The following TSPAN11 variants were observed in gnomAD, a reference collection of about 807,000 sequenced individuals.
TSPAN11 encodes the protein tetraspanin-11.
Under a neutral mutation model 32.9 loss-of-function variants are expected in TSPAN11, and 29 were observed. The ratio of observed to expected loss-of-function variants is 0.88; its 90% CI spans 0.66 to 1.20. The LOEUF is 1.20. Among genes scored for constraint, TSPAN11 ranks in the 50% most tolerant of loss-of-function variants. The probability of loss-of-function intolerance (pLI) is 0.00; values close to 1 mark genes in which losing one functional copy is unlikely to be tolerated. For synonymous variants in TSPAN11, 140 were observed against 141.3 expected (o/e 0.99, Z 0.07); for missense variants, 283 against 329.1 (o/e 0.86, Z 1.08).
In TSPAN11 at chr12:30,982,526, CTCCAGTTCAAG is replaced by C. The variant is rs1939112317; in HGVS notation, c.457-4_463del. 6.2e-7 allele frequency: 1 copy of C among 1,601,698 alleles called. No homozygotes were observed. Among genetic ancestry groups the C allele is most frequent in the Non-Finnish European group, 8.5e-7 (1 of 1,170,542 alleles). ...CTCCAGCCTCTGCCTCTGCCTCTGCCTCCAGTTCAAGTGCTGTGGAAGCAACAGCTCAGCCG... is the reference window on the plus strand; with the variant it reads ...CTCCAGCCTCTGCCTCTGCCTCTGCCTGCTGTGGAAGCAACAGCTCAGCCG... On this transcript the variant is annotated splice_acceptor_variant and splice_polypyrimidine_tract_variant and coding_sequence_variant and intron_variant, in exon 6 of 8. Transcript: ENST00000546076. LOFTEE classifies it high-confidence loss of function.
chr12:30,933,932 C>T (rs1265355722), intron 1 of TSPAN11, among the ~76,000 whole-genome samples: 1 of 152,170 alleles, frequency 6.6e-6, no homozygotes, highest in African/African-American at 2.4e-5. Context: ...CCCTTCACAC[C>T]TACACACAGC....
chr12:31,010,271 C>T, the TSPAN11 span, among the ~76,000 whole-genome samples: 1 of 152,198 alleles, frequency 6.6e-6, no homozygotes, highest in South Asian at 2.1e-4. Flanking sequence ...CATGTCACCA[C>T]CCTACCTTGG....
intron 3 of TSPAN11, among the ~76,000 whole-genome samples, chr12:30,972,441 G>C (rs1938870166): frequency 6.6e-6 from 1 of 152,070 alleles, no homozygotes; most frequent in Non-Finnish European, 1.5e-5. Context: ...CTTCATGGAG[G>C]CTGTGCCTGA....
chr12:30,944,992 T>C (rs948010423), intron 1 of TSPAN11, among the ~76,000 whole-genome samples: 1 of 152,196 alleles, frequency 6.6e-6, no homozygotes, highest in African/African-American at 2.4e-5. Context: ...CCAACCAGAC[T>C]GTTCCAGGCC....
At position 30,991,903 on chromosome 12, in the gene TSPAN11, G is replaced by T; in HGVS notation, c.750G>T (p.Arg250=). Residue 250 remains arginine (R), a synonymous_variant, in exon 8 of 8, where the codon CGG becomes CGT. Coordinates refer to ENST00000546076, the MANE Select transcript of TSPAN11 (RefSeq NM_001370302.1). Reference sequence around the variant, plus strand: ...GCTGCTTGCACCAGAGGCTCCAGCGGCATTTTTACTAATGGCCAACCACCT... The same window carrying T: ...GCTGCTTGCACCAGAGGCTCCAGCGTCATTTTTACTAATGGCCAACCACCT... ...LTCCLHQRLQ[R]HFY is the part of the protein sequence containing the mutation. 6.2e-7 allele frequency: 1 copy of T among 1,614,140 alleles called. No homozygotes were observed. Among genetic ancestry groups the T allele is most frequent in the Non-Finnish European group, 8.5e-7 (1 of 1,180,022 alleles).
downstream of TSPAN11, among the ~76,000 whole-genome samples, chr12:30,999,506 T>A (rs1391116203): frequency 6.6e-6 from 1 of 152,122 alleles, no homozygotes; most frequent in Admixed American, 6.5e-5. Context: ...AGCAAAGTCA[T>A]CTAACACAAA....
chr12:30,990,875 G>A (rs547990223), intron 7 of TSPAN11, among the ~76,000 whole-genome samples: 2 of 152,332 alleles, frequency 1.3e-5, no homozygotes, highest in Middle Eastern at 6.8e-3. Context: ...CTTTAGCCCA[G>A]TGCCCCCTCC....
the TSPAN11 span, among the ~76,000 whole-genome samples, chr12:31,004,757 G>T: frequency 1.3e-5 from 2 of 152,340 alleles, no homozygotes; most frequent in Admixed American, 6.5e-5. Flanking sequence ...CCATGCAGTG[G>T]AGGGCAGGAG....
At chr12:30,974,471 T>C (rs1053533592) in intron 3 of TSPAN11, among the ~76,000 whole-genome samples, 1 of 152,260 alleles carries the variant, frequency 6.6e-6, no homozygotes, top group Non-Finnish European at 1.5e-5. Context: ...CTAAGGTAAC[T>C]GTGCTATGCT....
intron 7 of TSPAN11, among the ~76,000 whole-genome samples, chr12:30,991,195 G>A (rs1226479326): frequency 6.6e-6 from 1 of 152,172 alleles, no homozygotes; most frequent in Non-Finnish European, 1.5e-5. Flanking sequence ...CCTGAGCTTG[G>A]TGCTGCATTC....
At chr12:30,927,685 G>C (rs1179738203) in intron 1 of TSPAN11, among the ~76,000 whole-genome samples, 2 of 152,072 alleles carry the variant, frequency 1.3e-5, no homozygotes, top group Non-Finnish European at 2.9e-5. Flanking sequence ...AGAGAATGAG[G>C]GTGGTATTAG....
At chr12:30,979,088 C>T (rs923633474) in intron 4 of TSPAN11, among the ~76,000 whole-genome samples, 2 of 152,186 alleles carry the variant, frequency 1.3e-5, no homozygotes, top group Non-Finnish European at 2.9e-5. Flanking sequence ...ATCGGGGATT[C>T]GAGGTCATGA....
Position 30,982,541 on chromosome 12 carries a change from T to G in TSPAN11, c.466T>G (p.Cys156Gly). Residue 156 changes from cysteine to glycine, a missense_variant, in exon 6 of 8, where the codon TGT (cysteine) becomes GGT (glycine). Transcript: ENST00000546076. ...CTGCCTCTGCCTCCAGTTCAAGTGC[T>G]GTGGAAGCAACAGCTCAGCCGACTG... ...VDRLQQDFKC[C>G]GSNSSADWQH... is the part of the protein sequence containing the mutation. The G allele has an allele frequency of 6.2e-7, 1 of 1,607,780 alleles. No homozygotes were observed. The highest frequency in any genetic ancestry group is 2.2e-5 in the East Asian group (1 of 44,694).
chr12:30,934,754 G>A (rs1338107115), intron 1 of TSPAN11, among the ~76,000 whole-genome samples: 2 of 151,514 alleles, frequency 1.3e-5, no homozygotes, highest in Non-Finnish European at 2.9e-5. Context: ...CAAAACATTA[G>A]ACACCCCTGC....
chr12:31,011,196 C>T, the TSPAN11 span, among the ~76,000 whole-genome samples: 1 of 152,166 alleles, frequency 6.6e-6, no homozygotes, highest in Non-Finnish European at 1.5e-5. Context: ...GAGTTTGAGA[C>T]CAACCTGGCC....
intron 2 of TSPAN11, among the ~76,000 whole-genome samples, chr12:30,956,046 G>A (rs1938471948): frequency 6.6e-6 from 1 of 152,204 alleles, no homozygotes; most frequent in Non-Finnish European, 1.5e-5. Flanking sequence ...GGAGACGGTG[G>A]TGACTTACAT....
chr12:31,012,639 C>G, the TSPAN11 span: 5 of 152,212 alleles, frequency 3.3e-5, no homozygotes, highest in African/African-American at 1.2e-4. Flanking sequence ...AGACCTGAAC[C>G]TGCCTCGAAT....
chr12:30,958,634 G>C (rs1039918678), intron 2 of TSPAN11, among the ~76,000 whole-genome samples: 5 of 152,146 alleles, frequency 3.3e-5, no homozygotes, highest in African/African-American at 1.2e-4. Flanking sequence ...GTTCAGACCT[G>C]GTCTCCCAGT....
rs1390746065 is a variant in TSPAN11 at position 30,975,625 on chromosome 12, A to T, written c.277-2936A>T. On this transcript the variant is annotated intron_variant, in intron 3 of 7. Coordinates refer to ENST00000546076, the MANE Select transcript of TSPAN11 (RefSeq NM_001370302.1). This position sits in a 1 kb window ranked among gnomAD's most constrained non-coding sequence, Gnocchi z 4.5. ...GCCACTAAACCAATGGGTGAGGTTC[A>T]GTATCTCTACCTCCCCATCCTCCCT... 6.6e-6 allele frequency among the ~76,000 whole-genome samples: 1 copy of T among 152,096 alleles called. No individual in the cohort carries two copies. Among genetic ancestry groups the T allele is most frequent in the Non-Finnish European group, 1.5e-5 (1 of 68,006 alleles).
Sources: gnomAD v4.1 joint callset for allele counts (sites outside exome capture counted in the v4.1 genomes callset) on GRCh38, gnomAD v4.1.1 for gene constraint, Gnocchi (gnomAD v3.1) non-coding constraint, MANE v1.5 for transcripts, NCBI Gene and HGNC (gene_info 2026-07-23, HGNC 2026-07-21) for gene names.